The following COL23A1 variants were observed in gnomAD, a reference collection of about 807,000 sequenced individuals.
COL23A1 encodes collagen type XXIII alpha 1 chain, also known as collagen alpha-1(XXIII) chain.
In COL23A1, 97 loss-of-function variants were observed where a neutral mutation model predicts 99.3. That is an observed-to-expected ratio of 0.98 (90% CI 0.83 to 1.16). The LOEUF (loss-of-function observed/expected upper bound fraction) is 1.16. Ranked by LOEUF, COL23A1 falls within the 50% of genes most tolerant of loss-of-function variation. The probability of loss-of-function intolerance (pLI) is 0.00; values close to 1 mark genes in which losing one functional copy is unlikely to be tolerated. For missense variants in COL23A1, 762 were observed against 757.4 expected (o/e 1.01, Z -0.07); for synonymous variants, 320 against 308.2 (o/e 1.04, Z -0.40).
chr5:178,483,369 G>A (rs1466741126), intron 2 of COL23A1, among the ~76,000 whole-genome samples: 3 of 151,934 alleles, frequency 2.0e-5, no homozygotes, highest in African/African-American at 7.3e-5. Context: ...GGCATCCCTA[G>A]AAAGACACTG....
rs563479234 is a variant in COL23A1 at position 178,473,633 on chromosome 5, G to A, written c.361+87049C>T. Among the ~76,000 whole-genome samples, 14 of 151,832 alleles carry A rather than the reference G, an allele frequency of 9.2e-5. No individual in the cohort carries two copies. The East Asian group carries it at 2.7e-3, about 29-fold the overall frequency. ...AGGGATTTGAGCATCTCTGGATTTG[G>A]GTACCTATGAGGGATCCTGGAACCA... is the stretch of plus-strand genomic sequence containing the variant. On this transcript the variant is annotated intron_variant, in intron 2 of 28. Transcript: ENST00000390654.
chr5:178,240,710 G>A (rs191035392), intron 27 of COL23A1, among the ~76,000 whole-genome samples: 6 of 152,306 alleles, frequency 3.9e-5, no homozygotes, highest in African/African-American at 7.2e-5. Context: ...CGAGGGGAGC[G>A]GTATCCCCCA....
intron 3 of COL23A1, among the ~76,000 whole-genome samples, chr5:178,292,654 G>A (rs144702644): frequency 2.3e-3 from 356 of 152,324 alleles, no homozygotes; most frequent in Non-Finnish European, 3.6e-3. Context: ...AGAGAGGACA[G>A]TGGCTCACAG....
intron 25 of COL23A1, among the ~76,000 whole-genome samples, 184 bp from the exon 26 acceptor site, chr5:178,242,578 G>A (rs1322436367): frequency 6.6e-6 from 1 of 152,236 alleles, no homozygotes; most frequent in Non-Finnish European, 1.5e-5. Context: ...TGTAGGAAGA[G>A]CATGCATTTA....
chr5:178,249,716 A>ACTCACTCTCTCTCTCTCTCT (rs1554125190), intron 18 of COL23A1, among the ~76,000 whole-genome samples: 2 of 92,750 alleles, frequency 2.2e-5, no homozygotes, highest in Admixed American at 1.1e-4. Context: ...ACACACACAC[A>ACTCACTCTCTCTCTCTCTCT]CTCTCTCTCT....
In COL23A1 at chr5:178,255,145, G is replaced by A. The variant is rs1581460294; in HGVS notation, c.883-119C>T. On this transcript the variant is annotated intron_variant, in intron 15 of 28. Coordinates refer to ENST00000390654, the MANE Select transcript of COL23A1 (RefSeq NM_173465.4). This position sits in a 1 kb window ranked among gnomAD's most constrained non-coding sequence, Gnocchi z 4.2. ...GCAATGGAAGAGCCTCGTCACCCAG[G>A]CTGCACGCATGCCCCTCCCCAGGGT... 1.5e-5 allele frequency: 12 copies of A among 822,066 alleles called. No homozygotes were observed. In the East Asian group the frequency reaches 2.1e-4, roughly 14 times the overall value. 50.9% of individuals were successfully genotyped at this position (822,066 alleles called of 1,614,324 possible). A position where few individuals can be genotyped will look rare whatever the true frequency, so the allele number is the denominator to read the frequency against.
At chr5:178,335,855 CCA>C (rs1760288977) in intron 2 of COL23A1, among the ~76,000 whole-genome samples, 1 of 152,212 alleles carries the variant, frequency 6.6e-6, no homozygotes, top group Admixed American at 6.5e-5. Context: ...TTGCAAAATG[CCA>C]GTTTGCTCAC....
chr5:178,280,507 C>A lies in COL23A1; in HGVS notation c.441+7817G>T, dbSNP rs1273687785. 1.3e-5 allele frequency among the ~76,000 whole-genome samples: 2 copies of A among 152,204 alleles called. No homozygotes were observed. Among genetic ancestry groups the A allele is most frequent in the Non-Finnish European group, 2.9e-5 (2 of 68,034 alleles). ...CTGCATGGGCTGGACATCGTGCCAG[C>A]CCTGGGTCCTGGTCGGGGGCAGCTT... On this transcript the variant is annotated intron_variant, in intron 5 of 28. Transcript: ENST00000390654. This position sits in a 1 kb window ranked among gnomAD's most constrained non-coding sequence, Gnocchi z 4.9.
chr5:178,545,054 A>G (rs1761506358), intron 2 of COL23A1, among the ~76,000 whole-genome samples: 1 of 152,182 alleles, frequency 6.6e-6, no homozygotes, highest in African/African-American at 2.4e-5. Context: ...ATTGCACTCC[A>G]GCCTGGGCAA....
intron 2 of COL23A1, among the ~76,000 whole-genome samples, chr5:178,478,342 C>A (rs1757141367): frequency 6.6e-6 from 1 of 152,178 alleles, no homozygotes; most frequent in Non-Finnish European, 1.5e-5. Flanking sequence ...TTATCCGGGA[C>A]TAACTGGAAC....
At chr5:178,333,477 G>A (rs1174472249) in intron 2 of COL23A1, among the ~76,000 whole-genome samples, 1 of 152,056 alleles carries the variant, frequency 6.6e-6, no homozygotes, top group African/African-American at 2.4e-5. Context: ...CCTTATCCAG[G>A]CTGCCTCCCC....
At chr5:178,347,205 C>T (rs1039123481) in intron 2 of COL23A1, among the ~76,000 whole-genome samples, 2 of 152,180 alleles carry the variant, frequency 1.3e-5, no homozygotes, top group Non-Finnish European at 2.9e-5. Context: ...TGAAAGGTGG[C>T]CGTGGAACAC....
At chr5:178,486,072 T>C (rs898343739) in intron 2 of COL23A1, among the ~76,000 whole-genome samples, 2 of 152,228 alleles carry the variant, frequency 1.3e-5, no homozygotes, top group South Asian at 2.1e-4. Context: ...TAGTTAAAAC[T>C]GTTTGAAATG....
rs115795374 is a variant in COL23A1, at chr5:178,286,151, G to A, written c.441+2173C>T. On this transcript the variant is annotated intron_variant, in intron 5 of 28. Coordinates refer to ENST00000390654, the MANE Select transcript of COL23A1 (RefSeq NM_173465.4). Reference sequence around the variant, plus strand: ...GCGACCTCAGGAAGAAGGCCATCATGGGCTGTGATACCAGCTTCCTGGAGA... The same window carrying A: ...GCGACCTCAGGAAGAAGGCCATCATAGGCTGTGATACCAGCTTCCTGGAGA... Among the ~76,000 whole-genome samples, 979 of 152,304 alleles carry A rather than the reference G, an allele frequency of 6.4e-3. 13 individuals carry two copies. The highest frequency in any genetic ancestry group is 0.022 in the African/African-American group (927 of 41,566).
chr5:178,382,163 C>T (rs573883692), intron 2 of COL23A1, among the ~76,000 whole-genome samples: 9 of 152,014 alleles, frequency 5.9e-5, no homozygotes, highest in African/African-American at 1.9e-4. Context: ...GCTGAGAGGC[C>T]GACGCTCAGA....
intron 2 of COL23A1, among the ~76,000 whole-genome samples, chr5:178,532,972 C>T (rs1216887712): frequency 4.6e-5 from 7 of 152,152 alleles, no homozygotes; most frequent in Non-Finnish European, 1.0e-4. Context: ...AAGCCCTGAG[C>T]TGTGGGGTCC....
At chr5:178,263,873 T>C (rs7725951) in intron 8 of COL23A1, among the ~76,000 whole-genome samples, 11,915 of 152,130 alleles carry the variant, frequency 0.078, 599 homozygotes, top group Middle Eastern at 0.17. Flanking sequence ...AACTCAGCAA[T>C]CAACCCAAAG....
rs1320645906 is a variant in COL23A1 at position 178,252,602 on chromosome 5, G to A, written c.961-5C>T. On this transcript the variant is annotated splice_polypyrimidine_tract_variant and splice_region_variant and intron_variant, in intron 16 of 28. Coordinates refer to ENST00000390654, the MANE Select transcript of COL23A1 (RefSeq NM_173465.4). ...CCCCTGTGGTCCGGGAGGCCCCTGTGTGTGAGAGTGAAGCCGGTCAGTGTC... is the reference window on the plus strand; with the variant it reads ...CCCCTGTGGTCCGGGAGGCCCCTGTATGTGAGAGTGAAGCCGGTCAGTGTC... 2 of 1,608,738 alleles carry A rather than the reference G, an allele frequency of 1.2e-6. No individual in the cohort carries two copies. The highest frequency in any genetic ancestry group is 1.3e-5 in the African/African-American group (1 of 74,868).
chr5:178,481,147 A>AAAG (rs1554181864), intron 2 of COL23A1, among the ~76,000 whole-genome samples: 3,322 of 148,112 alleles, frequency 0.022, 122 homozygotes, highest in African/African-American at 0.073. Flanking sequence ...AAAAAAAAAA[A>AAAG]AAAGAAAGAA....
Sources: gnomAD v4.1 joint callset for allele counts (sites outside exome capture counted in the v4.1 genomes callset) on GRCh38, gnomAD v4.1.1 for gene constraint, Gnocchi (gnomAD v3.1) non-coding constraint, MANE v1.5 for transcripts, NCBI Gene and HGNC (gene_info 2026-07-23, HGNC 2026-07-21) for gene names.